The following RABGAP1L variants were observed in gnomAD, a reference collection of about 807,000 sequenced individuals.
RABGAP1L encodes the protein RAB GTPase activating protein 1 like, also known as rab GTPase-activating protein 1-like.
RABGAP1L carries 63 observed loss-of-function variants against 137.7 expected under a neutral mutation model. The observed-to-expected ratio is 0.46, with a 90% CI of 0.37 to 0.56. The LOEUF is 0.56. RABGAP1L is among the 20% of genes least tolerant of loss of function. The probability of loss-of-function intolerance (pLI) is 0.00; values close to 1 mark genes in which losing one functional copy is unlikely to be tolerated. For missense variants in RABGAP1L, 1,095 were observed against 1,244.0 expected (o/e 0.88, Z 1.80); for synonymous variants, 431 against 433.7 (o/e 0.99, Z 0.08).
chr1:174,768,504 G>A (rs1685854364), intron 18 of RABGAP1L, among the ~76,000 whole-genome samples: 1 of 152,216 alleles, frequency 6.6e-6, no homozygotes, highest in African/African-American at 2.4e-5. Flanking sequence ...CAACTGGTAA[G>A]GGAAAAATAC....
intron 19 of RABGAP1L, among the ~76,000 whole-genome samples, chr1:174,906,238 C>T (rs1010969063): frequency 1.3e-5 from 2 of 150,230 alleles, no homozygotes; most frequent in Non-Finnish European, 3.0e-5. Context: ...AGGCTGGTCT[C>T]GAACTCCTGA....
At chr1:174,985,649 C>T (rs563570624) in intron 24 of RABGAP1L, among the ~76,000 whole-genome samples, 2 of 152,192 alleles carry the variant, frequency 1.3e-5, no homozygotes, top group East Asian at 3.9e-4. Context: ...TCATGATCAC[C>T]CCCCAGTTCA....
intron 1 of RABGAP1L, among the ~76,000 whole-genome samples, chr1:174,196,602 G>A (rs1479017262): frequency 1.4e-5 from 2 of 144,110 alleles, no homozygotes; most frequent in African/African-American, 5.1e-5. Context: ...CTTTACTGAA[G>A]TTCTAATCTG....
At chr1:174,613,816 C>G (rs904075857) in intron 13 of RABGAP1L, among the ~76,000 whole-genome samples, 47 of 152,110 alleles carry the variant, frequency 3.1e-4, no homozygotes, top group African/African-American at 1.1e-3. Context: ...ATGTAATGGC[C>G]TTCTTTGTCT....
intron 22 of RABGAP1L, among the ~76,000 whole-genome samples, chr1:174,977,724 G>A (rs78463021): frequency 0.018 from 2,776 of 152,306 alleles, 73 homozygotes; most frequent in African/African-American, 0.063. Context: ...AGCCAGCCAA[G>A]TCTGTCCTAA....
At chr1:174,741,913 C>T (rs978318196) in intron 17 of RABGAP1L, among the ~76,000 whole-genome samples, 2 of 146,136 alleles carry the variant, frequency 1.4e-5, no homozygotes, top group Non-Finnish European at 3.0e-5. Context: ...GTGGCATGCG[C>T]CTATAGACCC....
chr1:174,784,510 G>A (rs745811971), intron 18 of RABGAP1L, among the ~76,000 whole-genome samples: 6 of 152,064 alleles, frequency 3.9e-5, no homozygotes, highest in Non-Finnish European at 7.3e-5. Context: ...CCCAGCAAGC[G>A]TGGGACTGGT....
At chr1:174,983,461 T>C (rs555340483) in intron 24 of RABGAP1L, among the ~76,000 whole-genome samples, 2 of 152,312 alleles carry the variant, frequency 1.3e-5, no homozygotes, top group South Asian at 2.1e-4. Flanking sequence ...AAAAACAGAT[T>C]GCTTATTCCA....
chr1:174,491,083 C>T lies in RABGAP1L; in HGVS notation c.1710+96938C>T, dbSNP rs75515874. Among the ~76,000 whole-genome samples the T allele has an allele frequency of 1.3e-3, 201 of 152,010 alleles. 2 individuals carry two copies. Among genetic ancestry groups the T allele is most frequent in the African/African-American group, 4.5e-3 (187 of 41,328 alleles). On this transcript the variant is annotated intron_variant, in intron 13 of 25. Coordinates refer to ENST00000681986, the MANE Select transcript of RABGAP1L (RefSeq NM_001366446.1). The stretch of plus-strand genomic sequence containing the variant: ...TATCTCCCTGTGGCCTAGCTGGTAC[C>T]TAAGATGCAAGACAAAGTCCTGTTT...
intron 13 of RABGAP1L, among the ~76,000 whole-genome samples, chr1:174,615,237 T>G (rs922761231): frequency 9.2e-5 from 14 of 152,178 alleles, no homozygotes; most frequent in Non-Finnish European, 1.5e-4. Flanking sequence ...TGATGATGGT[T>G]ATGTACAGAT....
chr1:174,654,344 C>T (rs1675800264), intron 14 of RABGAP1L, among the ~76,000 whole-genome samples: 1 of 152,038 alleles, frequency 6.6e-6, no homozygotes, highest in African/African-American at 2.4e-5. Context: ...ATTTTTATGG[C>T]CAGAATACAG....
rs537507386 is a variant in RABGAP1L at position 174,431,630 on chromosome 1, A to G, written c.1710+37485A>G. 2.0e-4 allele frequency among the ~76,000 whole-genome samples: 31 copies of G among 152,336 alleles called. No individual in the cohort carries two copies. The South Asian group carries it at 6.2e-3, about 31-fold the overall frequency. On this transcript the variant is annotated intron_variant, in intron 13 of 25. Transcript: ENST00000681986. ...CTCTAGAAAATAAGGACAGCAAATT[A>G]GAACAGGAAGGAGGGGCTATGCTGT...
intron 11 of RABGAP1L, among the ~76,000 whole-genome samples, chr1:174,354,710 G>A (rs1166087897): frequency 6.6e-6 from 1 of 152,100 alleles, no homozygotes; most frequent in Non-Finnish European, 1.5e-5. Context: ...ATTGCTTTTG[G>A]TGTTTTAGAC....
intron 13 of RABGAP1L, among the ~76,000 whole-genome samples, chr1:174,446,958 A>T (rs1424734190): frequency 6.6e-6 from 1 of 152,178 alleles, no homozygotes; most frequent in African/African-American, 2.4e-5. Flanking sequence ...GGAAAGTTTT[A>T]TTGTCTAACT....
intron 19 of RABGAP1L, among the ~76,000 whole-genome samples, chr1:174,932,426 T>C (rs1354074827): frequency 1.3e-5 from 2 of 152,110 alleles, no homozygotes; most frequent in Non-Finnish European, 2.9e-5. Flanking sequence ...TGTCTGGTGG[T>C]TCCTTAAGAT....
At chr1:174,187,825 T>C (rs994057289) in intron 1 of RABGAP1L, among the ~76,000 whole-genome samples, 1 of 152,146 alleles carries the variant, frequency 6.6e-6, no homozygotes, top group African/African-American at 2.4e-5. Context: ...AAATTAGAGT[T>C]TTCTTTGTGA....
chr1:174,383,884 G>A (rs894437060), intron 12 of RABGAP1L, among the ~76,000 whole-genome samples: 1 of 152,214 alleles, frequency 6.6e-6, no homozygotes, highest in Middle Eastern at 3.4e-3. Context: ...AAATAGCATG[G>A]TATTTTATAA....
intron 18 of RABGAP1L, chr1:174,757,110 A>C: frequency 2.1e-6 from 1 of 485,388 alleles, no homozygotes; most frequent in Non-Finnish European, 4.2e-6. Flanking sequence ...TGCTTTTGGG[A>C]GGTTGTAATC....
chr1:174,464,627 TTTAATAAATG>T (rs1408754970), intron 13 of RABGAP1L, among the ~76,000 whole-genome samples: 16 of 152,256 alleles, frequency 1.1e-4, no homozygotes, highest in Admixed American at 8.5e-4. Flanking sequence ...GCCCTGTCTG[TTTAATAAATG>T]TTAATTGAAA....
Sources: allele counts gnomAD v4.1 joint callset (sites outside exome capture counted in the v4.1 genomes callset), GRCh38; gene constraint gnomAD v4.1.1; transcripts MANE v1.5; gene names NCBI Gene and HGNC (gene_info 2026-07-23, HGNC 2026-07-21).